AGBL5: variants seen among roughly 807,000 people sequenced by gnomAD.
The protein encoded by AGBL5 is AGBL carboxypeptidase 5, also known as cytosolic carboxypeptidase-like protein 5.
A neutral mutation model predicts 88.0 loss-of-function variants in AGBL5; 51 were observed. The observed-to-expected ratio is 0.58, with a 90% CI of 0.46 to 0.73. AGBL5 has a LOEUF of 0.73. Ranked by LOEUF, AGBL5 falls within the 30% of genes least tolerant of loss-of-function variation. The pLI, the probability that AGBL5 is intolerant of heterozygous loss-of-function variation, is 0.00. For synonymous variants in AGBL5, 446 were observed against 438.8 expected, an observed-to-expected ratio of 1.02 and a Z score of -0.21; for missense variants, 1,031 against 1,162.2, an observed-to-expected ratio of 0.89 and a Z score of 1.64.
At position 27,059,161 on chromosome 2, in the gene AGBL5, C is replaced by T. The variant is rs202237579; in HGVS notation, c.1875-29C>T. ...GCCTTAGGACACAACCTTCCTGGCC[C>T]GGGTTAACTGGCATCTGCTTCTTTG... On this transcript the variant is annotated intron_variant, in intron 10 of 14. Coordinates refer to ENST00000360131, the MANE Select transcript of AGBL5 (RefSeq NM_021831.6). The T allele has an allele frequency of 3.1e-3, 5,025 of 1,602,400 alleles. 17 individuals carry two copies. The highest frequency in any genetic ancestry group is 3.0e-3 in the Non-Finnish European group (3,569 of 1,172,660).
chr2:27,057,026 C>A, intron 8 of AGBL5: 1 of 566,318 alleles, frequency 1.8e-6, no homozygotes, highest in Non-Finnish European at 3.0e-6. Flanking sequence ...ACACCCAGTT[C>A]AGGGTGTTTG....
At chr2:27,066,849 C>T (rs2148301437) in intron 11 of AGBL5, among the ~76,000 whole-genome samples, 1 of 152,150 alleles carries the variant, frequency 6.6e-6, no homozygotes, top group Middle Eastern at 3.4e-3. Context: ...CTGTGGGAAG[C>T]CAAGGCGGGT....
chr2:27,050,824 A>AT (rs1309959480), upstream of AGBL5, among the ~76,000 whole-genome samples: 4 of 152,198 alleles, frequency 2.6e-5, no homozygotes, highest in Admixed American at 2.0e-4. Flanking sequence ...TGTAGTGGAT[A>AT]GGGCGTGGCA....
At position 27,055,758 on chromosome 2, in the gene AGBL5, GC is replaced by G; in HGVS notation, c.987del (p.Ala331LeufsTer12). On this transcript the variant is annotated frameshift_variant, in exon 7 of 15. Transcript: ENST00000360131. LOFTEE classifies it high-confidence loss of function. ...CGTCCTGCACCCGGCCATCTATGGGGCCAAAGCTGTGCTTCTCTACCACCAT... is the reference window on the plus strand; with the variant it reads ...CGTCCTGCACCCGGCCATCTATGGGGCAAAGCTGTGCTTCTCTACCACCAT... ...DAVLHPAIYG[A>X]KAVLLYHHVH... 1 of 1,614,112 alleles carries G rather than the reference GC, an allele frequency of 6.2e-7. No homozygotes were observed. The highest frequency in any genetic ancestry group is 8.5e-7 in the Non-Finnish European group (1 of 1,180,030).
At chr2:27,070,004 A>C in intron 14 of AGBL5, 88 bp from the exon 15 acceptor site, 2 of 1,537,792 alleles carry the variant, frequency 1.3e-6, no homozygotes, top group Non-Finnish European at 1.8e-6. Context: ...ATCTCGCTCC[A>C]CTTCTTTCAC....
rs1414904051 is a variant in AGBL5 at position 27,068,739 on chromosome 2, T to C, written c.2350T>C (p.Leu784=). 3.7e-6 allele frequency: 6 copies of C among 1,613,948 alleles called. No homozygotes were observed. Among genetic ancestry groups the C allele is most frequent in the African/African-American group, 1.3e-5 (1 of 74,902 alleles). ...TCGGATGCCCTGCATCAAGACTCGA[T>C]TGCAGGTAATATTTTTGGGTCTCCA... The part of the protein sequence containing the change: ...GARMPCIKTR[L]QARPRLGRGS... The change falls in exon 13 of 15, where the codon TTG becomes CTG. Residue 784 remains leucine (L), a synonymous_variant. Coordinates refer to ENST00000360131, the MANE Select transcript of AGBL5 (RefSeq NM_021831.6).
intron 14 of AGBL5, 61 bp downstream of exon 14, chr2:27,069,767 C>G: frequency 1.9e-6 from 3 of 1,554,672 alleles, no homozygotes; most frequent in Non-Finnish European, 2.6e-6. Flanking sequence ...ATTCCCATTT[C>G]TGTCATTCAG....
chr2:27,063,713 G>A (rs73921449), intron 11 of AGBL5, among the ~76,000 whole-genome samples: 2,575 of 152,242 alleles, frequency 0.017, 70 homozygotes, highest in African/African-American at 0.057. Flanking sequence ...TTCCAAAGAC[G>A]TTCAGGGAGG....
Position 27,057,253 on chromosome 2 carries a change from G to C in AGBL5, c.1536-50G>C, listed in dbSNP as rs114892980. The C allele has an allele frequency of 1.8e-3, 2,873 of 1,571,178 alleles. 48 individuals carry two copies. In the African/African-American group the frequency reaches 0.034, roughly 19 times the overall value. On this transcript the variant is annotated intron_variant, in intron 8 of 14. Coordinates refer to ENST00000360131, the MANE Select transcript of AGBL5 (RefSeq NM_021831.6). ...CACCTAAGTTGTCCTCTATGGTTCT[G>C]TCCTGGTATCTGTTCAGGCGGGACA...
rs142158986 is a variant in AGBL5 at position 27,064,530 on chromosome 2, G to A, written c.2090-2964G>A. On this transcript the variant is annotated intron_variant, in intron 11 of 14. Coordinates refer to ENST00000360131, the MANE Select transcript of AGBL5 (RefSeq NM_021831.6). ...TTGCCCAGCCTAGTCTCAAGCTCCC[G>A]GACTCAAGTGATCCAGCCGCCTCAG... 6.6e-5 allele frequency among the ~76,000 whole-genome samples: 10 copies of A among 151,702 alleles called. No homozygotes were observed. The East Asian group carries it at 1.7e-3, about 27-fold the overall frequency.
In AGBL5 at chr2:27,053,370, C is replaced by T. The variant is rs569688557; in HGVS notation, c.216-32C>T. On this transcript the variant is annotated intron_variant, in intron 2 of 14. Transcript: ENST00000360131. This position sits in a 1 kb window ranked among gnomAD's most constrained non-coding sequence, Gnocchi z 4.9. ...AGACCATATCTCCAACCCTTCCACA[C>T]GTAATGACCTCTCTCTTACTCTGGT... The T allele has an allele frequency of 5.3e-5, 86 of 1,607,934 alleles. No homozygotes were observed. Among genetic ancestry groups the T allele is most frequent in the South Asian group, 7.8e-5 (7 of 90,022 alleles).
At chr2:27,051,262 G>A (rs1031121443), upstream of AGBL5, among the ~76,000 whole-genome samples, 2 of 152,218 alleles carry the variant, frequency 1.3e-5, no homozygotes, top group Admixed American at 6.5e-5. Flanking sequence ...GCGAGAGGTA[G>A]CGGGATCGAT....
rs766882309 is a variant in AGBL5, at chr2:27,068,687, C to T, written c.2298C>T (p.Ile766=). The T allele has an allele frequency of 3.7e-6, 6 of 1,613,974 alleles. No individual in the cohort carries two copies. The highest frequency in any genetic ancestry group is 1.6e-4 in the Middle Eastern group (1 of 6,084). ...ACAAACCAGAGGCTGTCATGGTAAT[C>T]GGGAAAGGTCTGCTAGGGACTGGAG... The part of the protein sequence containing the change: ...SGDKPEAVMV[I]GKGLLGTGAR... The change falls in exon 13 of 15, where the codon ATC becomes ATT. Residue 766 remains isoleucine (I), a synonymous_variant. Transcript: ENST00000360131.
chr2:27,055,866 C>T lies in AGBL5; in HGVS notation c.1093C>T (p.Leu365=), dbSNP rs1558414983. The T allele has an allele frequency of 6.2e-7, 1 of 1,614,188 alleles. No homozygotes were observed. Among genetic ancestry groups the T allele is most frequent in the East Asian group, 2.2e-5 (1 of 44,892 alleles). Residue 365 remains leucine (L), a synonymous_variant, in exon 7 of 15, where the codon CTG becomes TTG. Transcript: ENST00000360131. ...CLPPDAPVSD[L]EKANNLQNEA... The stretch of plus-strand genomic sequence containing the variant: ...CCCTCCTGATGCTCCTGTTTCTGAC[C>T]TGGAGAAAGCCAACAATCTCCAAAA...
In AGBL5 at chr2:27,070,320, A is replaced by C; in HGVS notation, c.*57A>C. On this transcript the variant is annotated 3_prime_UTR_variant, in exon 15 of 15. Coordinates refer to ENST00000360131, the MANE Select transcript of AGBL5 (RefSeq NM_021831.6). ...CCCCAAGATGGGGTAACAGTGGGAA[A>C]TATGCTAGTTCCCCTCCAGGCCGCT... The C allele has an allele frequency of 1.3e-6, 2 of 1,549,464 alleles. No homozygotes were observed. The highest frequency in any genetic ancestry group is 1.8e-6 in the Non-Finnish European group (2 of 1,123,368).
intron 13 of AGBL5, 191 bp from the exon 14 acceptor site, chr2:27,069,382 T>C (rs897124117): frequency 6.0e-5 from 59 of 985,332 alleles, no homozygotes; most frequent in Non-Finnish European, 6.9e-5. Context: ...TTGGAGTGCA[T>C]AGTCATGGAC....
At chr2:27,067,806 T>C (rs752176713) in intron 12 of AGBL5, 160 bp downstream of exon 12, 16 of 800,920 alleles carry the variant, frequency 2.0e-5, no homozygotes, top group South Asian at 7.1e-5. Context: ...AATTTATTAA[T>C]GTGTCTGTGT....
rs1668582380 is a variant in AGBL5, at chr2:27,059,181, T to G, written c.1875-9T>G. On this transcript the variant is annotated splice_polypyrimidine_tract_variant and intron_variant, in intron 10 of 14. Coordinates refer to ENST00000360131, the MANE Select transcript of AGBL5 (RefSeq NM_021831.6). Reference sequence around the variant, plus strand: ...TGGCCCGGGTTAACTGGCATCTGCTTCTTTGCAGTGGGTTGCCTGTCTCCT... The same window carrying G: ...TGGCCCGGGTTAACTGGCATCTGCTGCTTTGCAGTGGGTTGCCTGTCTCCT... 2.5e-6 allele frequency: 4 copies of G among 1,611,118 alleles called. No homozygotes were observed. The highest frequency in any genetic ancestry group is 1.7e-4 in the Middle Eastern group (1 of 6,034).
At position 27,053,301 on chromosome 2, in the gene AGBL5, G is replaced by T. The variant is rs1472453974; in HGVS notation, c.216-101G>T. On this transcript the variant is annotated intron_variant, in intron 2 of 14. Transcript: ENST00000360131. The surrounding 1 kb of genome is among the most constrained non-coding windows in gnomAD (Gnocchi z 4.9). The stretch of plus-strand genomic sequence containing the variant: ...GACCCATCGTCCCTCCTTTCTCCTT[G>T]CCAAATAGCCCTTTCCCAGTTTGGC... 1 of 1,533,950 alleles carries T rather than the reference G, an allele frequency of 6.5e-7. No homozygotes were observed. Among genetic ancestry groups the T allele is most frequent in the Non-Finnish European group, 8.8e-7 (1 of 1,132,470 alleles).
Sources: allele counts gnomAD v4.1 joint callset (sites outside exome capture counted in the v4.1 genomes callset), GRCh38; gene constraint gnomAD v4.1.1; non-coding constraint Gnocchi (gnomAD v3.1); transcripts MANE v1.5; gene names NCBI Gene and HGNC (gene_info 2026-07-23, HGNC 2026-07-21).